The following TMEM132E variants were observed in gnomAD, a reference collection of about 807,000 sequenced individuals.
The protein encoded by TMEM132E is transmembrane protein 132E.
TMEM132E carries 49 observed loss-of-function variants against 78.5 expected under a neutral mutation model. The ratio of observed to expected loss-of-function variants is 0.62; its 90% CI spans 0.50 to 0.79. The LOEUF (loss-of-function observed/expected upper bound fraction) is 0.79. Ranked by LOEUF, TMEM132E falls within the 30% of genes least tolerant of loss-of-function variation. The pLI is 0.00. For synonymous variants in TMEM132E, 715 were observed against 670.6 expected, an observed-to-expected ratio of 1.07 and a Z score of -1.02; for missense variants, 1,403 against 1,470.9, an observed-to-expected ratio of 0.95 and a Z score of 0.75.
chr17:34,608,309 T>G (rs1001803819), intron 1 of TMEM132E, among the ~76,000 whole-genome samples: 21 of 152,338 alleles, frequency 1.4e-4, no homozygotes, highest in Admixed American at 3.3e-4. Context: ...CAGGACGCTC[T>G]GCAGATGCAT....
Position 34,626,763 on chromosome 17 carries a change from C to T in TMEM132E, c.704C>T (p.Thr235Met), listed in dbSNP as rs922560252. 3.5e-6 allele frequency: 5 copies of T among 1,441,144 alleles called. No homozygotes were observed. In the African/African-American group the frequency reaches 4.2e-5, roughly 12 times the overall value. 89.3% of individuals were successfully genotyped at this position (1,441,144 alleles called of 1,614,324 possible). Residue 235 changes from threonine (T) to methionine (M), a missense_variant, in exon 2 of 9, where the codon ACG becomes ATG. Around this residue, in one of 3 missense-constraint regions of TMEM132E, gnomAD observed 511 missense variants for 499.0 expected, o/e 1.02. Coordinates refer to ENST00000631683, the MANE Select transcript of TMEM132E (RefSeq NM_001304438.2). Reference protein sequence around the residue: ...GESQQAELYYTLHAPDASGGC... With the variant: ...GESQQAELYYMLHAPDASGGC... ...AGCCAGCAGGCCGAGCTCTACTACA[C>T]GCTCCACGCCCCTGATGCGTCGGGG... is the stretch of plus-strand genomic sequence containing the variant.
intron 1 of TMEM132E, among the ~76,000 whole-genome samples, chr17:34,616,157 G>T (rs1906772075): frequency 6.6e-6 from 1 of 152,130 alleles, no homozygotes; most frequent in Admixed American, 6.5e-5. Context: ...GGAGTTCCCA[G>T]GCAGATGGCA....
chr17:34,602,994 C>T (rs576645962), intron 1 of TMEM132E, among the ~76,000 whole-genome samples: 2 of 152,246 alleles, frequency 1.3e-5, no homozygotes, highest in African/African-American at 2.4e-5. Flanking sequence ...CTACATGGGG[C>T]TAGGAGGTGG....
Position 34,626,273 on chromosome 17 carries a change from T to C in TMEM132E, c.214T>C (p.Ser72Pro). Residue 72 changes from serine to proline, a missense_variant, in exon 2 of 9, where the codon TCT becomes CCT. Physicochemically the swap from Ser to Pro is moderately conservative, Grantham distance 74. Transcript: ENST00000631683. ...RPPSPAVANS[S>P]LQRSEPFVVF... is the part of the protein sequence containing the mutation. ...CCCGTCACCCGCGGTCGCCAACAGC[T>C]CTCTGCAGCGCTCCGAGCCCTTCGT... The C allele has an allele frequency of 1.2e-6, 2 of 1,607,568 alleles. No individual in the cohort carries two copies. Among genetic ancestry groups the C allele is most frequent in the Admixed American group, 1.7e-5 (1 of 59,436 alleles).
intron 1 of TMEM132E, among the ~76,000 whole-genome samples, chr17:34,601,097 G>A (rs932660796): frequency 2.0e-5 from 3 of 152,198 alleles, no homozygotes; most frequent in Non-Finnish European, 4.4e-5. Flanking sequence ...ATCCCAGGGG[G>A]TGCAGTTTTC....
rs1906759136 is a variant in TMEM132E at position 34,615,701 on chromosome 17, A to C, written c.68-10426A>C. Among the ~76,000 whole-genome samples the C allele has an allele frequency of 2.0e-5, 3 of 151,674 alleles. No homozygotes were observed. In the South Asian group the frequency reaches 6.3e-4, roughly 32 times the overall value. ...CAGCAGGGTCTCCACCCTTAGCGGC[A>C]GGCAAGTTGAGCCCCAGTCAGAGCA... On this transcript the variant is annotated intron_variant, in intron 1 of 8. Transcript: ENST00000631683.
intron 2 of TMEM132E, among the ~76,000 whole-genome samples, chr17:34,627,570 T>C (rs9898086): frequency 0.019 from 2,910 of 151,638 alleles, 101 homozygotes; most frequent in African/African-American, 0.066. Flanking sequence ...GCTCTTTCTA[T>C]CCTTCTACAC....
intron 1 of TMEM132E, among the ~76,000 whole-genome samples, chr17:34,587,731 CAT>C (rs1478771719): frequency 9.2e-5 from 14 of 152,338 alleles, no homozygotes; most frequent in African/African-American, 2.9e-4. Flanking sequence ...GGTGCACACT[CAT>C]GTGCACACCC....
At chr17:34,596,273 C>T (rs1347450856) in intron 1 of TMEM132E, among the ~76,000 whole-genome samples, 2 of 152,206 alleles carry the variant, frequency 1.3e-5, no homozygotes, top group Non-Finnish European at 2.9e-5. Context: ...AATGGCTAAA[C>T]ATCTTACACC....
intron 1 of TMEM132E, among the ~76,000 whole-genome samples, chr17:34,598,543 G>A (rs1362722451): frequency 4.6e-5 from 7 of 152,114 alleles, no homozygotes; most frequent in Non-Finnish European, 5.9e-5. Context: ...AGGCAGAGGC[G>A]GGGCCTACCC....
chr17:34,626,730 C>T lies in TMEM132E; in HGVS notation c.671C>T (p.Thr224Met), dbSNP rs1298437033. ...KSPDGLEPEA[T>M]GESQQAELYY... is the part of the protein sequence containing the mutation. The stretch of plus-strand genomic sequence containing the variant: ...CCGGACGGGCTGGAGCCCGAGGCGA[C>T]GGGGGAGAGCCAGCAGGCCGAGCTC... The change falls in exon 2 of 9, where the codon ACG becomes ATG. Residue 224 changes from threonine (T) to methionine (M), a missense_variant. Thr to Met is a moderately conservative substitution (Grantham distance 81). This residue lies in a region of TMEM132E where 511 missense variants were observed against 499.0 expected (regional missense o/e 1.02). Coordinates refer to ENST00000631683, the MANE Select transcript of TMEM132E (RefSeq NM_001304438.2). The T allele has an allele frequency of 1.4e-5, 19 of 1,370,174 alleles. No homozygotes were observed. Among genetic ancestry groups the T allele is most frequent in the African/African-American group, 4.4e-5 (3 of 67,514 alleles). The allele number at this position is 1,370,174 out of a possible 1,614,324, so 84.9% of individuals were successfully genotyped here. A position where few individuals can be genotyped will look rare whatever the true frequency, so the allele number is the denominator to read the frequency against.
chr17:34,612,671 T>C (rs1047779881), intron 1 of TMEM132E, among the ~76,000 whole-genome samples: 3 of 152,202 alleles, frequency 2.0e-5, no homozygotes, highest in Admixed American at 6.5e-5. Flanking sequence ...CCCACCTTCA[T>C]GACCAAGCCC....
chr17:34,609,045 G>T (rs183092597), intron 1 of TMEM132E, among the ~76,000 whole-genome samples: 10 of 152,318 alleles, frequency 6.6e-5, no homozygotes, highest in African/African-American at 2.2e-4. Context: ...CTTTTAACCA[G>T]CCTGGCTCTA....
chr17:34,633,624 G>A (rs939133952), intron 6 of TMEM132E, among the ~76,000 whole-genome samples: 3 of 152,242 alleles, frequency 2.0e-5, no homozygotes, highest in Non-Finnish European at 2.9e-5. Context: ...GGAGGTGGGC[G>A]GGGCTGGAGA....
At chr17:34,613,195 A>ACC (rs1188311784) in intron 1 of TMEM132E, among the ~76,000 whole-genome samples, 5 of 115,258 alleles carry the variant, frequency 4.3e-5, no homozygotes, top group South Asian at 6.3e-4. Context: ...ACACACACAC[A>ACC]CCCACACACA....
chr17:34,582,633 A>C (rs1263342371), intron 1 of TMEM132E, among the ~76,000 whole-genome samples: 1 of 151,906 alleles, frequency 6.6e-6, no homozygotes, highest in Non-Finnish European at 1.5e-5. Flanking sequence ...AAGTGGGAGC[A>C]TAGCGGGGAA....
chr17:34,587,375 G>T (rs1240226817), intron 1 of TMEM132E, among the ~76,000 whole-genome samples: 1 of 152,172 alleles, frequency 6.6e-6, no homozygotes. Context: ...CAGTGGGGGG[G>T]AATGGTTCTT....
Position 34,629,116 on chromosome 17 carries a change from G to C in TMEM132E, c.1250G>C (p.Gly417Ala). 1 of 1,613,494 alleles carries C rather than the reference G, an allele frequency of 6.2e-7. No individual in the cohort carries two copies. Among genetic ancestry groups the C allele is most frequent in the Non-Finnish European group, 8.5e-7 (1 of 1,179,606 alleles). ...RRIMWHIDYRGHGALPDLERA... is the reference protein window; with the variant it reads ...RRIMWHIDYRAHGALPDLERA... ...ATCATGTGGCACATTGACTACCGTGGCCACGGCGCCCTGCCTGACCTGGAG... is the reference window on the plus strand; with the variant it reads ...ATCATGTGGCACATTGACTACCGTGCCCACGGCGCCCTGCCTGACCTGGAG... The change falls in exon 4 of 9, where the codon GGC becomes GCC. Residue 417 changes from glycine (G) to alanine (A), a missense_variant. By Grantham distance (60) the Gly-to-Ala change is moderately conservative. This residue lies in a region of TMEM132E where 888 missense variants were observed against 952.8 expected (regional missense o/e 0.93). Coordinates refer to ENST00000631683, the MANE Select transcript of TMEM132E (RefSeq NM_001304438.2).
intron 6 of TMEM132E, among the ~76,000 whole-genome samples, chr17:34,634,360 C>T (rs747729529): frequency 7.2e-5 from 11 of 152,312 alleles, no homozygotes; most frequent in African/African-American, 2.2e-4. Context: ...GTTAAATGTC[C>T]GAGTTCATCA....
Sources: gnomAD v4.1 joint callset for allele counts (sites outside exome capture counted in the v4.1 genomes callset) on GRCh38, gnomAD v4.1.1 for gene constraint, gnomAD v4.1.1 regional missense constraint, MANE v1.5 for transcripts, NCBI Gene and HGNC (gene_info 2026-07-23, HGNC 2026-07-21) for gene names.